DYDC2: variants seen among roughly 807,000 people sequenced by gnomAD.
The protein encoded by DYDC2 is DPY30 domain containing 2.
Under a neutral mutation model 18.7 loss-of-function variants are expected in DYDC2, and 19 were observed. The observed-to-expected ratio is 1.02, with a 90% CI of 0.71 to 1.49. The LOEUF is 1.49. DYDC2 is among the 40% of genes most tolerant of loss of function. The pLI is 0.00. For missense variants in DYDC2, 179 were observed against 205.1 expected, an observed-to-expected ratio of 0.87 and a Z score of 0.78; for synonymous variants, 63 against 67.6, an observed-to-expected ratio of 0.93 and a Z score of 0.34.
chr10:80,355,582 A>T (rs1159437103), upstream of DYDC2, among the ~76,000 whole-genome samples: 1 of 152,150 alleles, frequency 6.6e-6, no homozygotes, highest in Non-Finnish European at 1.5e-5. Context: ...CACCATCTAA[A>T]TGTTCATCAA....
chr10:80,346,037 G>A (rs1402804980), intron 1 of DYDC2, among the ~76,000 whole-genome samples: 1 of 152,032 alleles, frequency 6.6e-6, no homozygotes, highest in East Asian at 1.9e-4. Context: ...TTCTAGAGAT[G>A]AGGTCTCCCT....
intron 1 of DYDC2, among the ~76,000 whole-genome samples, chr10:80,345,808 T>C (rs1174529239): frequency 6.6e-6 from 1 of 152,200 alleles, no homozygotes; most frequent in African/African-American, 2.4e-5. Context: ...TATATACATA[T>C]ATGTGATACA....
intron 2 of DYDC2, among the ~76,000 whole-genome samples, chr10:80,359,096 T>A (rs1843578719): frequency 6.6e-6 from 1 of 152,200 alleles, no homozygotes; most frequent in Non-Finnish European, 1.5e-5. Flanking sequence ...TTTTATTCCC[T>A]TATCCGGCCC....
At chr10:80,345,028 T>G (rs537695642) in intron 1 of DYDC2, among the ~76,000 whole-genome samples, 1 of 148,868 alleles carries the variant, frequency 6.7e-6, no homozygotes, top group East Asian at 2.0e-4. Context: ...AGAAAAAGGC[T>G]GAGCTGAACA....
At position 80,362,435 on chromosome 10, in the gene DYDC2, G is replaced by T; in HGVS notation, c.-9G>T. On this transcript the variant is annotated splice_region_variant and 5_prime_UTR_variant, in exon 3 of 5. Coordinates refer to ENST00000256039, the MANE Select transcript of DYDC2 (RefSeq NM_032372.6). ...GTGACTTTGTTTTGATGTTTTCCAG[G>T]CTGCCAGGATGGAAACTAACTACCT... 6.2e-7 allele frequency: 1 copy of T among 1,608,898 alleles called. No individual in the cohort carries two copies. Among genetic ancestry groups the T allele is most frequent in the Admixed American group, 1.7e-5 (1 of 59,418 alleles).
At chr10:80,361,437 A>T (rs747968901) in intron 2 of DYDC2, among the ~76,000 whole-genome samples, 1 of 152,186 alleles carries the variant, frequency 6.6e-6, no homozygotes, top group Admixed American at 6.5e-5. Context: ...TTAATACTTA[A>T]TTTGTGAGAA....
chr10:80,355,821 T>C (rs1564669256), upstream of DYDC2, among the ~76,000 whole-genome samples: 1 of 152,066 alleles, frequency 6.6e-6, no homozygotes, highest in Non-Finnish European at 1.5e-5. Flanking sequence ...CTGGCACAAA[T>C]GAACCTAATT....
intron 1 of DYDC2, 29 bp from the exon 2 acceptor site, chr10:80,357,864 T>C (rs1291670262): frequency 2.0e-6 from 2 of 985,400 alleles, no homozygotes; most frequent in East Asian, 2.3e-4. Context: ...CAGAACTCTC[T>C]CAATGAATAA....
intron 2 of DYDC2, 43 bp downstream of exon 2, chr10:80,358,088 T>TCC (rs1489040246): frequency 1.4e-5 from 14 of 984,940 alleles, no homozygotes; most frequent in Non-Finnish European, 1.7e-5. Context: ...TTAAAAGGCA[T>TCC]CCCCTTGGCC....
chr10:80,362,592 T>A lies in DYDC2; in HGVS notation c.147+2T>A. ...AAAACAGCAAAAGCAAAAGAAGAGGTGTGTATGTGCACTGGGACTTAGGGA... is the reference window on the plus strand; with the variant it reads ...AAAACAGCAAAAGCAAAAGAAGAGGAGTGTATGTGCACTGGGACTTAGGGA... On this transcript the variant is annotated splice_donor_variant, in intron 3 of 4. Coordinates refer to ENST00000256039, the MANE Select transcript of DYDC2 (RefSeq NM_032372.6). LOFTEE classifies it high-confidence loss of function. The A allele has an allele frequency of 6.2e-7, 1 of 1,606,784 alleles. No individual in the cohort carries two copies. Among genetic ancestry groups the A allele is most frequent in the Non-Finnish European group, 8.5e-7 (1 of 1,174,560 alleles).
At chr10:80,346,891 A>G (rs538548832) in intron 1 of DYDC2, among the ~76,000 whole-genome samples, 2 of 151,580 alleles carry the variant, frequency 1.3e-5, no homozygotes, top group Admixed American at 1.3e-4. Context: ...CCTGGCCAAC[A>G]TGGCGAAACC....
At chr10:80,356,376 A>G (rs1277084460), upstream of DYDC2, 1 of 985,674 alleles carries the variant, frequency 1.0e-6, no homozygotes. Context: ...ACAGCTAGCC[A>G]GCCAGCCAGC....
At chr10:80,352,620 A>G, upstream of DYDC2, 2 of 1,594,232 alleles carry the variant, frequency 1.3e-6, no homozygotes, top group South Asian at 1.2e-5. Context: ...CCTAAAAAGT[A>G]AGTGTTTTTG....
rs772423028 is a variant in DYDC2 at position 80,357,902 on chromosome 10, T to G, written c.-153T>G. The G allele has an allele frequency of 5.1e-6, 5 of 985,354 alleles. No homozygotes were observed. Among genetic ancestry groups the G allele is most frequent in the Non-Finnish European group, 6.0e-6 (5 of 829,876 alleles). The allele number at this position is 985,354 out of a possible 1,614,324, so 61.0% of individuals were successfully genotyped here. On this transcript the variant is annotated 5_prime_UTR_variant, in exon 2 of 5. Transcript: ENST00000256039. The stretch of plus-strand genomic sequence containing the variant: ...CAAGAAATATTTACAGAGCTCCCAG[T>G]GTGCCAAGCGTGGGCGGTATACAGT...
chr10:80,349,314 A>T (rs1182314223), intron 1 of DYDC2, among the ~76,000 whole-genome samples: 1 of 152,218 alleles, frequency 6.6e-6, no homozygotes, highest in Non-Finnish European at 1.5e-5. Context: ...TCTAATAAAA[A>T]ATTTATATTC....
At chr10:80,350,970 C>T (rs1842944822) in intron 1 of DYDC2, among the ~76,000 whole-genome samples, 1 of 152,236 alleles carries the variant, frequency 6.6e-6, no homozygotes, top group African/African-American at 2.4e-5. Context: ...ACTCAGACAT[C>T]TGGGCCCAAG....
chr10:80,358,975 A>G (rs1181445101), intron 2 of DYDC2, among the ~76,000 whole-genome samples: 1 of 152,254 alleles, frequency 6.6e-6, no homozygotes, highest in East Asian at 1.9e-4. Context: ...AAGGCAGTGC[A>G]GACCCAAACA....
At chr10:80,353,645 A>T (rs987079040), upstream of DYDC2, among the ~76,000 whole-genome samples, 5 of 150,212 alleles carry the variant, frequency 3.3e-5, no homozygotes, top group Non-Finnish European at 7.4e-5. Flanking sequence ...AGGTCAGGAG[A>T]TCGAGACCAT....
At chr10:80,358,867 A>T (rs758905813) in intron 2 of DYDC2, among the ~76,000 whole-genome samples, 1 of 152,052 alleles carries the variant, frequency 6.6e-6, no homozygotes, top group Non-Finnish European at 1.5e-5. Flanking sequence ...GTTCCTTTTG[A>T]TGTTCGGATG....
Sources: gnomAD v4.1 joint callset for allele counts (sites outside exome capture counted in the v4.1 genomes callset) on GRCh38, gnomAD v4.1.1 for gene constraint, MANE v1.5 for transcripts, NCBI Gene and HGNC (gene_info 2026-07-23, HGNC 2026-07-21) for gene names.